Variants in XRCC4 observed in about 807,000 individuals in gnomAD.
XRCC4 encodes the protein X-ray repair cross complementing 4.
In XRCC4, 28 loss-of-function variants were observed where a neutral mutation model predicts 39.1. The ratio of observed to expected loss-of-function variants is 0.72; its 90% CI spans 0.53 to 0.98. The LOEUF (loss-of-function observed/expected upper bound fraction) is 0.98. Among genes scored for constraint, XRCC4 ranks in the 50% least tolerant of loss-of-function variants. The pLI is 0.00. For missense variants in XRCC4, 350 were observed against 376.4 expected (o/e 0.93, Z 0.58); for synonymous variants, 123 against 126.4 (o/e 0.97, Z 0.18).
chr5:83,365,774 A>T, the XRCC4 span, among the ~76,000 whole-genome samples: 1 of 152,236 alleles, frequency 6.6e-6, no homozygotes, highest in African/African-American at 2.4e-5. Context: ...AAAACTGAGC[A>T]AATGGATTTC....
chr5:83,303,842 T>C (rs753614426), intron 7 of XRCC4, among the ~76,000 whole-genome samples: 8 of 152,158 alleles, frequency 5.3e-5, no homozygotes, highest in Non-Finnish European at 1.0e-4. Flanking sequence ...AATATTATTA[T>C]AGAAAACATT....
rs1486632287 is a variant in XRCC4 at position 83,116,606 on chromosome 5, CTCTT to C, written c.315+5405_315+5408del. 3.8e-4 allele frequency among the ~76,000 whole-genome samples: 48 copies of C among 124,746 alleles called. 1 individual carries two copies. Among genetic ancestry groups the C allele is most frequent in the Non-Finnish European group, 6.7e-4 (42 of 62,394 alleles). 81.8% of individuals were successfully genotyped at this position (124,746 alleles called of 152,430 possible). A position where few individuals can be genotyped will look rare whatever the true frequency, so the allele number is the denominator to read the frequency against. On this transcript the variant is annotated intron_variant, in intron 3 of 7. Coordinates refer to ENST00000396027, the MANE Select transcript of XRCC4 (RefSeq NM_003401.5). ...GTGAAAGAATTACCAGTTTCTCTCT[CTCTT>C]TTTTTTTTTTTTTTTTTTTTTTTTT...
intron 3 of XRCC4, among the ~76,000 whole-genome samples, chr5:83,145,490 G>A (rs536176526): frequency 5.3e-5 from 8 of 152,290 alleles, no homozygotes; most frequent in East Asian, 3.9e-4. Context: ...TGTTTCCTAT[G>A]TGGTAGGTGT....
At chr5:83,219,607 A>G (rs537069431) in intron 6 of XRCC4, among the ~76,000 whole-genome samples, 2 of 152,326 alleles carry the variant, frequency 1.3e-5, no homozygotes, top group African/African-American at 4.8e-5. Context: ...AGGTTTGTTT[A>G]GAGCTGCAGT....
At chr5:83,230,128 C>T (rs1385714961) in intron 6 of XRCC4, among the ~76,000 whole-genome samples, 1 of 151,892 alleles carries the variant, frequency 6.6e-6, no homozygotes, top group African/African-American at 2.4e-5. Flanking sequence ...GTGCAGCATT[C>T]TGAAGTTAGG....
At chr5:83,145,434 C>T (rs1748406194) in intron 3 of XRCC4, among the ~76,000 whole-genome samples, 1 of 152,184 alleles carries the variant, frequency 6.6e-6, no homozygotes, top group African/African-American at 2.4e-5. Context: ...AAGGAGGAGT[C>T]TGTTTTCTGA....
intron 6 of XRCC4, among the ~76,000 whole-genome samples, chr5:83,214,252 G>T (rs1751761059): frequency 6.6e-6 from 1 of 152,108 alleles, no homozygotes; most frequent in African/African-American, 2.4e-5. Context: ...GATTGGAAAA[G>T]AAGTAAAACT....
the XRCC4 span, among the ~76,000 whole-genome samples, chr5:83,368,263 T>C: frequency 6.6e-6 from 1 of 152,192 alleles, no homozygotes; most frequent in East Asian, 1.9e-4. Context: ...AACTACAGTT[T>C]CGTCATCTCC....
intron 6 of XRCC4, among the ~76,000 whole-genome samples, chr5:83,224,122 T>G (rs182088245): frequency 6.6e-6 from 1 of 152,194 alleles, no homozygotes; most frequent in South Asian, 2.1e-4. Flanking sequence ...TCTATTTACA[T>G]TGTAGATTAT....
chr5:83,151,094 C>A lies in XRCC4; in HGVS notation c.315+39891C>A, dbSNP rs1351453294. 2.0e-5 allele frequency among the ~76,000 whole-genome samples: 3 copies of A among 151,974 alleles called. No individual in the cohort carries two copies. The East Asian group carries it at 5.8e-4, about 29-fold the overall frequency. ...AGGCTTCATATATACATTTTAGACA[C>A]AGAAAAAGTTACAAAAAATGCCAAA... On this transcript the variant is annotated intron_variant, in intron 3 of 7. Coordinates refer to ENST00000396027, the MANE Select transcript of XRCC4 (RefSeq NM_003401.5).
chr5:83,347,142 A>G (rs945915089), intron 7 of XRCC4, among the ~76,000 whole-genome samples: 68 of 151,952 alleles, frequency 4.5e-4, no homozygotes, highest in African/African-American at 1.5e-3. Flanking sequence ...ATGTAGATCT[A>G]AATTTTTCAA....
chr5:83,345,576 A>T (rs1756894856), intron 7 of XRCC4, among the ~76,000 whole-genome samples: 1 of 152,140 alleles, frequency 6.6e-6, no homozygotes. Context: ...TCATTTTCCC[A>T]GATCTCTCTG....
At chr5:83,167,722 T>C (rs891467833) in intron 3 of XRCC4, among the ~76,000 whole-genome samples, 1 of 152,160 alleles carries the variant, frequency 6.6e-6, no homozygotes, top group African/African-American at 2.4e-5. Context: ...AGATAAGAGA[T>C]AGTGACAACT....
At chr5:83,101,290 A>G (rs1428578474) in intron 1 of XRCC4, among the ~76,000 whole-genome samples, 3 of 151,992 alleles carry the variant, frequency 2.0e-5, no homozygotes, top group African/African-American at 7.2e-5. Context: ...GCATCTTTTA[A>G]TGAAGCTCAC....
At chr5:83,096,891 C>A in intron 1 of XRCC4, among the ~76,000 whole-genome samples, 1 of 151,460 alleles carries the variant, frequency 6.6e-6, no homozygotes, top group Admixed American at 6.6e-5. Flanking sequence ...TTCTAGTTTC[C>A]CACAGTCCCA....
chr5:83,373,628 C>A, the XRCC4 span, among the ~76,000 whole-genome samples: 1 of 152,266 alleles, frequency 6.6e-6, no homozygotes, highest in Non-Finnish European at 1.5e-5. Flanking sequence ...AATTGTCTTT[C>A]AATCCTGATC....
chr5:83,145,758 T>C (rs1477833095), intron 3 of XRCC4, among the ~76,000 whole-genome samples: 1 of 152,242 alleles, frequency 6.6e-6, no homozygotes, highest in African/African-American at 2.4e-5. Context: ...GCATGGCTGA[T>C]ATTTGAGCCC....
At chr5:83,216,473 A>G (rs1423480961) in intron 6 of XRCC4, among the ~76,000 whole-genome samples, 1 of 152,182 alleles carries the variant, frequency 6.6e-6, no homozygotes, top group Non-Finnish European at 1.5e-5. Context: ...TCTTTACTGA[A>G]GAGAAATAAG....
At chr5:83,179,834 A>G (rs1750129527) in intron 3 of XRCC4, among the ~76,000 whole-genome samples, 1 of 152,218 alleles carries the variant, frequency 6.6e-6, no homozygotes, top group South Asian at 2.1e-4. Flanking sequence ...AAAAAGATTT[A>G]GAAAGGCAGG....
Sources: gnomAD v4.1 joint callset for allele counts (sites outside exome capture counted in the v4.1 genomes callset) on GRCh38, gnomAD v4.1.1 for gene constraint, MANE v1.5 for transcripts, NCBI Gene and HGNC (gene_info 2026-07-23, HGNC 2026-07-21) for gene names.